GCNT4: variants seen among roughly 807,000 people sequenced by gnomAD.
The protein encoded by GCNT4 is glucosaminyl (N-acetyl) transferase 4, also known as beta-1,3-galactosyl-O-glycosyl-glycoprotein beta-1,6-N-acetylglucosaminyltransferase 4.
A neutral mutation model predicts 31.3 loss-of-function variants in GCNT4; 17 were observed. The ratio of observed to expected loss-of-function variants is 0.54; its 90% CI spans 0.37 to 0.81. The LOEUF (loss-of-function observed/expected upper bound fraction) is 0.81, where lower values mean the gene tolerates loss of function less well. GCNT4 is among the 40% of genes least tolerant of loss of function. GCNT4 has a pLI of 0.00. For missense variants in GCNT4, 503 were observed against 525.5 expected, an observed-to-expected ratio of 0.96 and a Z score of 0.42; for synonymous variants, 158 against 190.6, an observed-to-expected ratio of 0.83 and a Z score of 1.41.
In GCNT4 at chr5:75,028,577, G is replaced by A. The variant is rs1561372467; in HGVS notation, c.*99C>T. The A allele has an allele frequency of 5.2e-6, 6 of 1,145,448 alleles. No homozygotes were observed. In the East Asian group the frequency reaches 7.2e-5, roughly 14 times the overall value. 71.0% of individuals were successfully genotyped at this position (1,145,448 alleles called of 1,614,324 possible). On this transcript the variant is annotated 3_prime_UTR_variant, in exon 4 of 4. Transcript: ENST00000652361. The stretch of plus-strand genomic sequence containing the variant: ...AATTTTGGACACCTTTTAAAATATG[G>A]GAGGACTGAGTTTAAACAGTATTGG...
chr5:75,047,790 G>C (rs111735466), intron 3 of GCNT4, 107 bp downstream of exon 3: 3 of 151,994 alleles, frequency 2.0e-5, no homozygotes, highest in African/African-American at 7.3e-5. Context: ...AGAGCTTGGG[G>C]GAGGTAGGTA....
chr5:75,039,454 G>C lies in GCNT4; in HGVS notation c.-2+8443C>G, dbSNP rs192674828. Among the ~76,000 whole-genome samples, 549 of 152,322 alleles carry C rather than the reference G, an allele frequency of 3.6e-3. 1 individual carries two copies. The highest frequency in any genetic ancestry group is 6.8e-3 in the Middle Eastern group (2 of 294). On this transcript the variant is annotated intron_variant, in intron 3 of 3. Transcript: ENST00000652361. ...TCTATACTCCATTCAGTAAATCTAT[G>C]AGATAGGTACGATTATCATTATCCT...
Position 75,051,562 on chromosome 5 carries a change from G to C in GCNT4, c.-143+607C>G, listed in dbSNP as rs376854722. Among the ~76,000 whole-genome samples, 22 of 152,250 alleles carry C rather than the reference G, an allele frequency of 1.4e-4. No individual in the cohort carries two copies. The South Asian group carries it at 4.6e-3, about 32-fold the overall frequency. On this transcript the variant is annotated intron_variant, in intron 2 of 3. Transcript: ENST00000652361. ...GGATGAGGCAGAAACAGCACCGTCA[G>C]GTACAGGGCCCTCTACCTGCTCTCT... is the stretch of plus-strand genomic sequence containing the variant.
chr5:75,040,886 T>C (rs1238553732), intron 3 of GCNT4, among the ~76,000 whole-genome samples: 2 of 152,236 alleles, frequency 1.3e-5, no homozygotes, highest in African/African-American at 4.8e-5. Context: ...CAGAATTATG[T>C]AGACAAACAC....
downstream of GCNT4, among the ~76,000 whole-genome samples, chr5:75,025,158 G>A (rs915895233): frequency 6.6e-6 from 1 of 152,152 alleles, no homozygotes; most frequent in African/African-American, 2.4e-5. Context: ...AAGACTCTTT[G>A]AGACTTTACC....
downstream of GCNT4, among the ~76,000 whole-genome samples, chr5:75,020,395 G>A (rs114209607): frequency 0.019 from 2,907 of 152,272 alleles, 104 homozygotes; most frequent in African/African-American, 0.064. Context: ...CCAGGAACTG[G>A]CTTGTGCCCA....
chr5:75,033,393 G>A (rs1444228458), intron 3 of GCNT4, among the ~76,000 whole-genome samples: 1 of 152,170 alleles, frequency 6.6e-6, no homozygotes, highest in Non-Finnish European at 1.5e-5. Flanking sequence ...CCAGTGAGAA[G>A]TCCTTTGGAA....
Position 75,029,568 on chromosome 5 carries a change from T to C in GCNT4, c.470A>G (p.His157Arg). The part of the protein sequence containing the change: ...ERLIHAIYNQ[H>R]NIYCIHYDRK... ...ATCATAATGGATGCAGTAAATATTG[T>C]GCTGGTTGTATATAGCATGGATAAG... The change falls in exon 4 of 4, where the codon CAC becomes CGC. Residue 157 changes from histidine (H) to arginine (R), a missense_variant. Physicochemically the swap from His to Arg is conservative, Grantham distance 29. Transcript: ENST00000652361. 6.2e-7 allele frequency: 1 copy of C among 1,614,204 alleles called. No individual in the cohort carries two copies. Among genetic ancestry groups the C allele is most frequent in the East Asian group, 2.2e-5 (1 of 44,884 alleles).
At position 75,030,053 on chromosome 5, in the gene GCNT4, A is replaced by G. The variant is rs1289439544; in HGVS notation, c.-1-15T>C. The G allele has an allele frequency of 2.5e-6, 4 of 1,571,406 alleles. No individual in the cohort carries two copies. Among genetic ancestry groups the G allele is most frequent in the East Asian group, 2.2e-5 (1 of 44,542 alleles). ...ATATCTTCATTCTGTAAGAGGAGAA[A>G]GAAATAATCCAGTTGGAATATTAAC... On this transcript the variant is annotated splice_polypyrimidine_tract_variant and intron_variant, in intron 3 of 3. Coordinates refer to ENST00000652361, the MANE Select transcript of GCNT4 (RefSeq NM_001366737.1).
At chr5:75,035,923 T>C (rs1305252748) in intron 3 of GCNT4, among the ~76,000 whole-genome samples, 1 of 152,230 alleles carries the variant, frequency 6.6e-6, no homozygotes, top group Non-Finnish European at 1.5e-5. Context: ...ACAAATTCAG[T>C]ATTTTAGAAT....
intron 3 of GCNT4, among the ~76,000 whole-genome samples, chr5:75,032,926 T>G (rs1204433398): frequency 2.7e-5 from 4 of 149,282 alleles, no homozygotes; most frequent in African/African-American, 1.0e-4. Flanking sequence ...TGTGTGTGAT[T>G]AATTCATGGT....
chr5:75,031,200 G>A (rs555725987), intron 3 of GCNT4, among the ~76,000 whole-genome samples: 3 of 151,932 alleles, frequency 2.0e-5, no homozygotes, highest in Admixed American at 2.0e-4. Flanking sequence ...TCAGACTCCT[G>A]AGTAGCTAGA....
At position 75,052,475 on chromosome 5, in the gene GCNT4, C is replaced by G. The variant is rs941147131; in HGVS notation, c.-248G>C. On this transcript the variant is annotated 5_prime_UTR_variant, in exon 1 of 4. Transcript: ENST00000652361. ...AGACTGCAAATGGACTCGAGCGTCCCGTTTCTCGGCTCGGATCCCAGAAGC... is the reference window on the plus strand; with the variant it reads ...AGACTGCAAATGGACTCGAGCGTCCGGTTTCTCGGCTCGGATCCCAGAAGC... 1 of 152,176 alleles carries G rather than the reference C, an allele frequency of 6.6e-6. No individual in the cohort carries two copies. The highest frequency in any genetic ancestry group is 1.5e-5 in the Non-Finnish European group (1 of 68,046). The allele number at this position is 152,176 out of a possible 1,614,324, so 9.4% of individuals were successfully genotyped here.
downstream of GCNT4, among the ~76,000 whole-genome samples, chr5:75,024,219 C>T (rs951139835): frequency 2.0e-5 from 3 of 152,172 alleles, no homozygotes; most frequent in Non-Finnish European, 2.9e-5. Context: ...TCAAATCAGT[C>T]TTTAATATGA....
chr5:75,017,922 C>A, the GCNT4 span, among the ~76,000 whole-genome samples: 9,184 of 152,218 alleles, frequency 0.06, 320 homozygotes, highest in Middle Eastern at 0.12. Context: ...TGCTGAGAAC[C>A]AGTGATCTAG....
Position 75,027,978 on chromosome 5 carries a change from C to A in GCNT4, c.*698G>T, listed in dbSNP as rs529799040. 1 of 152,446 alleles carries A rather than the reference C, an allele frequency of 6.6e-6. No individual in the cohort carries two copies. Among genetic ancestry groups the A allele is most frequent in the Non-Finnish European group, 1.5e-5 (1 of 68,018 alleles). 9.4% of individuals were successfully genotyped at this position (152,446 alleles called of 1,614,324 possible). ...AAAATGTTGTATAAATCCCTTCGCT[C>A]CTCTTTAGGTACTACCTGTCCCAAC... On this transcript the variant is annotated 3_prime_UTR_variant, in exon 4 of 4. Coordinates refer to ENST00000652361, the MANE Select transcript of GCNT4 (RefSeq NM_001366737.1).
At position 75,025,351 on chromosome 5, in the gene GCNT4, G is replaced by A. The variant is rs1329194646; in HGVS notation, c.*3325C>T. Reference sequence around the variant, plus strand: ...AAGCTCATAAAGTCCAAGGGTTTGGGTTTTTGGAGCACATTTTATTTTACA... The same window carrying A: ...AAGCTCATAAAGTCCAAGGGTTTGGATTTTTGGAGCACATTTTATTTTACA... On this transcript the variant is annotated 3_prime_UTR_variant, in exon 4 of 4. Transcript: ENST00000652361. 1 of 152,192 alleles carries A rather than the reference G, an allele frequency of 6.6e-6. No individual in the cohort carries two copies. Among genetic ancestry groups the A allele is most frequent in the Non-Finnish European group, 1.5e-5 (1 of 68,026 alleles). 9.4% of individuals were successfully genotyped at this position (152,192 alleles called of 1,614,324 possible).
rs1220283053 is a variant in GCNT4, at chr5:75,028,029, T to A, written c.*647A>T. 1 of 149,264 alleles carries A rather than the reference T, an allele frequency of 6.7e-6. No homozygotes were observed. The highest frequency in any genetic ancestry group is 1.5e-5 in the Non-Finnish European group (1 of 68,050). The allele number at this position is 149,264 out of a possible 1,614,324, so 9.2% of individuals were successfully genotyped here. ...CCACATCCTCACCCCCTTCCTTAAC[T>A]TTCATACATTATAAATGCCCCCCAA... is the stretch of plus-strand genomic sequence containing the variant. On this transcript the variant is annotated 3_prime_UTR_variant, in exon 4 of 4. Transcript: ENST00000652361.
chr5:75,023,504 G>C (rs932797048), downstream of GCNT4, among the ~76,000 whole-genome samples: 2 of 151,980 alleles, frequency 1.3e-5, no homozygotes, highest in Non-Finnish European at 1.5e-5. Flanking sequence ...ACTGTTCATA[G>C]CACTGTTATT....
Sources: gnomAD v4.1 joint callset for allele counts (sites outside exome capture counted in the v4.1 genomes callset) on GRCh38, gnomAD v4.1.1 for gene constraint, MANE v1.5 for transcripts, NCBI Gene and HGNC (gene_info 2026-07-23, HGNC 2026-07-21) for gene names.